Variants in ANKS1A observed in about 807,000 individuals in gnomAD.
The protein encoded by ANKS1A is ankyrin repeat and sterile alpha motif domain containing 1A, also known as ankyrin repeat and SAM domain-containing protein 1A.
In ANKS1A, 55 loss-of-function variants were observed where a neutral mutation model predicts 120.3. The observed-to-expected ratio is 0.46, with a 90% CI of 0.37 to 0.57. The LOEUF (loss-of-function observed/expected upper bound fraction) is 0.57, where lower values mean the gene tolerates loss of function less well. ANKS1A is among the 20% of genes least tolerant of loss of function. The probability of loss-of-function intolerance (pLI) is 0.00; values close to 1 mark genes in which losing one functional copy is unlikely to be tolerated. For missense variants in ANKS1A, 1,123 were observed against 1,480.3 expected, an observed-to-expected ratio of 0.76 and a Z score of 3.96; for synonymous variants, 590 against 604.7, an observed-to-expected ratio of 0.98 and a Z score of 0.36.
Position 35,083,410 on chromosome 6 carries a change from C to A in ANKS1A, c.2908-7C>A, listed in dbSNP as rs761127012. 4 of 1,613,940 alleles carry A rather than the reference C, an allele frequency of 2.5e-6. No individual in the cohort carries two copies. In the Admixed American group the frequency reaches 6.7e-5, roughly 27 times the overall value. On this transcript the variant is annotated splice_region_variant and splice_polypyrimidine_tract_variant and intron_variant, in intron 19 of 23. Transcript: ENST00000360359. ...GCACTGACAGGGCCACCCCTTGTTT[C>A]CTGTAGAAATCTACGGAGCACATGA...
At chr6:34,894,792 C>T (rs1766991616) in intron 1 of ANKS1A, among the ~76,000 whole-genome samples, 1 of 152,082 alleles carries the variant, frequency 6.6e-6, no homozygotes, top group African/African-American at 2.4e-5. Flanking sequence ...TTCAGAAGCA[C>T]AGAGAAACTA....
rs201038927 is a variant in ANKS1A, at chr6:35,006,113, G to A, written c.1424-11360G>A. On this transcript the variant is annotated intron_variant, in intron 10 of 23. Transcript: ENST00000360359. Reference sequence around the variant, plus strand: ...TGAGGCAGGAGAATCGCTTGAACCCGGGAGGCAGAGGTTGCAGTGAGCCAA... The same window carrying A: ...TGAGGCAGGAGAATCGCTTGAACCCAGGAGGCAGAGGTTGCAGTGAGCCAA... Among the ~76,000 whole-genome samples the A allele has an allele frequency of 3.9e-3, 592 of 150,754 alleles. 1 individual carries two copies. Among genetic ancestry groups the A allele is most frequent in the South Asian group, 0.018 (86 of 4,758 alleles).
chr6:34,910,970 T>A (rs1255197538), intron 1 of ANKS1A, among the ~76,000 whole-genome samples: 2 of 152,324 alleles, frequency 1.3e-5, no homozygotes, highest in East Asian at 3.9e-4. Context: ...GACTGGAGTT[T>A]TGTAAGGGAT....
chr6:34,960,384 C>G (rs1770573906), intron 1 of ANKS1A, among the ~76,000 whole-genome samples: 1 of 152,014 alleles, frequency 6.6e-6, no homozygotes, highest in Non-Finnish European at 1.5e-5. Flanking sequence ...AGAAATCAAG[C>G]TCCATGAGGG....
intron 1 of ANKS1A, among the ~76,000 whole-genome samples, chr6:34,949,671 C>T (rs1011614703): frequency 6.6e-6 from 1 of 152,206 alleles, no homozygotes; most frequent in Non-Finnish European, 1.5e-5. Context: ...CTAACCTCAG[C>T]CATGGCTGGG....
chr6:35,023,797 T>C, intron 11 of ANKS1A: 2 of 265,978 alleles, frequency 7.5e-6, no homozygotes, highest in South Asian at 9.7e-5. Flanking sequence ...TATTTAGAGA[T>C]GGTGACATTC....
At chr6:34,976,434 C>A (rs531737421) in intron 3 of ANKS1A, among the ~76,000 whole-genome samples, 1 of 152,020 alleles carries the variant, frequency 6.6e-6, no homozygotes, top group African/African-American at 2.4e-5. Flanking sequence ...ATGAAAATTG[C>A]GCATTTTCCC....
rs1771948835 is a variant in ANKS1A at position 34,982,380 on chromosome 6, A to G, written c.733-372A>G. The stretch of plus-strand genomic sequence containing the variant: ...CTTTCTTTGTTAGCCTTTCCCATTC[A>G]GATGAATAATTCCTTAGGTGTTGTG... On this transcript the variant is annotated intron_variant, in intron 4 of 23. Coordinates refer to ENST00000360359, the MANE Select transcript of ANKS1A (RefSeq NM_015245.3). This position sits in a 1 kb window ranked among gnomAD's most constrained non-coding sequence, Gnocchi z 4.9. 6.6e-6 allele frequency among the ~76,000 whole-genome samples: 1 copy of G among 152,238 alleles called. No individual in the cohort carries two copies. The highest frequency in any genetic ancestry group is 1.5e-5 in the Non-Finnish European group (1 of 68,044).
chr6:34,944,011 C>T (rs753607840), intron 1 of ANKS1A, among the ~76,000 whole-genome samples: 14 of 152,206 alleles, frequency 9.2e-5, no homozygotes, highest in Non-Finnish European at 1.9e-4. Context: ...TGGTGGCTCA[C>T]GCCTGTAATC....
intron 12 of ANKS1A, 120 bp downstream of exon 12, chr6:35,054,285 C>A: frequency 1.2e-6 from 1 of 860,396 alleles, no homozygotes; most frequent in South Asian, 1.5e-5. Flanking sequence ...AGCTTCAGAC[C>A]ACGTCATGCT....
intron 11 of ANKS1A, among the ~76,000 whole-genome samples, chr6:35,052,543 G>A (rs1369646196): frequency 6.7e-6 from 1 of 148,594 alleles, no homozygotes; most frequent in African/African-American, 2.5e-5. Flanking sequence ...GCTATTCAGT[G>A]GGAGGATCAC....
intron 11 of ANKS1A, among the ~76,000 whole-genome samples, chr6:35,028,245 C>T (rs1774727201): frequency 6.6e-6 from 1 of 152,166 alleles, no homozygotes; most frequent in African/African-American, 2.4e-5. Flanking sequence ...CCTGGTTTTG[C>T]AGCTTGGGCC....
At chr6:35,093,355 C>G (rs1778364074), downstream of ANKS1A, among the ~76,000 whole-genome samples, 1 of 151,880 alleles carries the variant, frequency 6.6e-6, no homozygotes, top group African/African-American at 2.4e-5. Context: ...AGATGGCTCA[C>G]ATATTTAAAT....
At chr6:35,002,619 C>T (rs1365103145) in intron 10 of ANKS1A, among the ~76,000 whole-genome samples, 1 of 151,966 alleles carries the variant, frequency 6.6e-6, no homozygotes, top group East Asian at 1.9e-4. Flanking sequence ...AGCCCAGTCT[C>T]TAAATGTTAT....
At chr6:34,930,318 A>G (rs775628257) in intron 1 of ANKS1A, among the ~76,000 whole-genome samples, 1 of 152,198 alleles carries the variant, frequency 6.6e-6, no homozygotes, top group East Asian at 1.9e-4. Context: ...GCTCAGCAAC[A>G]TAAGTAGATG....
intron 11 of ANKS1A, among the ~76,000 whole-genome samples, chr6:35,048,117 A>T (rs994209018): frequency 6.6e-5 from 10 of 152,196 alleles, no homozygotes; most frequent in African/African-American, 2.2e-4. Flanking sequence ...TCCTCTCTCC[A>T]CCAGCCTAGC....
chr6:34,909,833 A>C (rs1423043716), intron 1 of ANKS1A, among the ~76,000 whole-genome samples: 1 of 152,186 alleles, frequency 6.6e-6, no homozygotes, highest in Non-Finnish European at 1.5e-5. Context: ...GAAGGGGAAA[A>C]GCGAGAGTTA....
chr6:34,920,796 TG>T (rs2127464946), intron 1 of ANKS1A, among the ~76,000 whole-genome samples: 1 of 152,336 alleles, frequency 6.6e-6, no homozygotes, highest in South Asian at 2.1e-4. Flanking sequence ...TGGTTCTGTT[TG>T]GCTTCATGGC....
At position 35,006,162 on chromosome 6, in the gene ANKS1A, TG is replaced by T. The variant is rs1337694285; in HGVS notation, c.1424-11308del. ...AAGATCACTCCACTGCACTCCAGCC[TG>T]GGTGACAGAGCAAGACTCTGTCTTA... On this transcript the variant is annotated intron_variant, in intron 10 of 23. Coordinates refer to ENST00000360359, the MANE Select transcript of ANKS1A (RefSeq NM_015245.3). Among the ~76,000 whole-genome samples, 3 of 140,276 alleles carry T rather than the reference TG, an allele frequency of 2.1e-5. No individual in the cohort carries two copies. In the Admixed American group the frequency reaches 2.3e-4, roughly 11 times the overall value. 92.0% of individuals were successfully genotyped at this position (140,276 alleles called of 152,430 possible). A position where few individuals can be genotyped will look rare whatever the true frequency, so the allele number is the denominator to read the frequency against.
Sources: allele counts gnomAD v4.1 joint callset (sites outside exome capture counted in the v4.1 genomes callset), GRCh38; gene constraint gnomAD v4.1.1; non-coding constraint Gnocchi (gnomAD v3.1); transcripts MANE v1.5; gene names NCBI Gene and HGNC (gene_info 2026-07-23, HGNC 2026-07-21).